The following CADPS2 variants were observed in gnomAD, a reference collection of about 807,000 sequenced individuals.
The protein encoded by CADPS2 is calcium-dependent secretion activator 2.
CADPS2 carries 93 observed loss-of-function variants against 172.5 expected under a neutral mutation model. The observed-to-expected ratio is 0.54, with a 90% confidence interval of 0.46 to 0.64. The LOEUF (loss-of-function observed/expected upper bound fraction) is 0.64, where lower values mean the gene tolerates loss of function less well. Ranked by LOEUF, CADPS2 falls within the 30% of genes least tolerant of loss-of-function variation. CADPS2 has a pLI of 0.00. For synonymous variants in CADPS2, 546 were observed against 555.2 expected (o/e 0.98, Z 0.23); for missense variants, 1,420 against 1,565.9 (o/e 0.91, Z 1.57).
intron 8 of CADPS2, among the ~76,000 whole-genome samples, chr7:122,553,399 C>G (rs777984368): frequency 6.6e-6 from 1 of 152,114 alleles, no homozygotes; most frequent in Non-Finnish European, 1.5e-5. Context: ...CATAGTTAGA[C>G]TTGACTTTAC....
intron 3 of CADPS2, among the ~76,000 whole-genome samples, chr7:122,653,349 T>C (rs997062522): frequency 1.3e-5 from 2 of 152,144 alleles, no homozygotes; most frequent in Non-Finnish European, 2.9e-5. Context: ...GTGGGGTAAA[T>C]CTCACAGACA....
intron 3 of CADPS2, among the ~76,000 whole-genome samples, chr7:122,631,447 T>C (rs1259308294): frequency 6.6e-6 from 1 of 152,120 alleles, no homozygotes; most frequent in Non-Finnish European, 1.5e-5. Context: ...CAACTACATA[T>C]TTTTTCTTTT....
At chr7:122,853,485 T>C (rs1196300303) in intron 1 of CADPS2, among the ~76,000 whole-genome samples, 1 of 152,228 alleles carries the variant, frequency 6.6e-6, no homozygotes, top group Non-Finnish European at 1.5e-5. Context: ...AGGGTGGTAA[T>C]GGCTACCTGC....
chr7:122,583,963 A>G (rs1414021697), intron 6 of CADPS2, among the ~76,000 whole-genome samples: 1 of 151,546 alleles, frequency 6.6e-6, no homozygotes, highest in Non-Finnish European at 1.5e-5. Context: ...TATTGAAATA[A>G]TCTGTAATTA....
chr7:122,645,056 T>C (rs965028163), intron 3 of CADPS2, among the ~76,000 whole-genome samples: 3 of 151,836 alleles, frequency 2.0e-5, no homozygotes, highest in Admixed American at 6.6e-5. Flanking sequence ...AATTACCCTA[T>C]GTGAACTGAA....
At chr7:122,607,703 T>C (rs999825084) in intron 6 of CADPS2, among the ~76,000 whole-genome samples, 1 of 152,194 alleles carries the variant, frequency 6.6e-6, no homozygotes, top group African/African-American at 2.4e-5. Flanking sequence ...GCTCCCTTTA[T>C]TATAAATAAA....
rs78892926 is a variant in CADPS2, at chr7:122,414,695, A to T, written c.2581-619T>A. On this transcript the variant is annotated intron_variant, in intron 18 of 29. Transcript: ENST00000449022. Reference sequence around the variant, plus strand: ...GTGTGAGCTAAAAGCAGATGTTTTGAATAATCATATTTATAACCAGATATC... The same window carrying T: ...GTGTGAGCTAAAAGCAGATGTTTTGTATAATCATATTTATAACCAGATATC... Among the ~76,000 whole-genome samples the T allele has an allele frequency of 2.8e-4, 42 of 152,332 alleles. No homozygotes were observed. In the East Asian group the frequency reaches 7.5e-3, roughly 27 times the overall value.
At chr7:122,682,473 C>A (rs1164135642) in intron 2 of CADPS2, among the ~76,000 whole-genome samples, 1 of 152,084 alleles carries the variant, frequency 6.6e-6, no homozygotes, top group African/African-American at 2.4e-5. Context: ...AAATGTTTTT[C>A]TTGTTTTGCC....
At chr7:122,698,530 T>G in intron 2 of CADPS2, 2 of 1,614,052 alleles carry the variant, frequency 1.2e-6, no homozygotes, top group South Asian at 1.1e-5. Flanking sequence ...TGGAACGTTA[T>G]AGATGATCAC....
At chr7:122,674,639 A>G (rs564137788) in intron 2 of CADPS2, among the ~76,000 whole-genome samples, 9 of 152,354 alleles carry the variant, frequency 5.9e-5, no homozygotes, top group Non-Finnish European at 1.2e-4. Flanking sequence ...TTTCCACAGA[A>G]GCCCTTATTG....
intron 2 of CADPS2, chr7:122,676,943 AC>A: frequency 2.6e-6 from 1 of 386,432 alleles, no homozygotes; most frequent in Non-Finnish European, 4.6e-6. Context: ...CCCTCAACCT[AC>A]CTTCTAGCCT....
intron 9 of CADPS2, among the ~76,000 whole-genome samples, chr7:122,504,375 G>T (rs1260652518): frequency 1.3e-5 from 2 of 150,968 alleles, no homozygotes; most frequent in African/African-American, 2.5e-5. Context: ...TTTCATGTTG[G>T]GTACAGGACA....
intron 1 of CADPS2, among the ~76,000 whole-genome samples, chr7:122,753,373 T>A (rs1218476677): frequency 6.6e-6 from 1 of 152,192 alleles, no homozygotes; most frequent in Non-Finnish European, 1.5e-5. Flanking sequence ...TAAACTTTTT[T>A]AAAGCAATAA....
intron 17 of CADPS2, among the ~76,000 whole-genome samples, chr7:122,429,330 T>A (rs1014856540): frequency 6.7e-6 from 1 of 148,348 alleles, no homozygotes; most frequent in African/African-American, 2.5e-5. Flanking sequence ...ATCCAGGTGA[T>A]CACACATACT....
At chr7:122,590,850 T>A (rs1262444654) in intron 6 of CADPS2, among the ~76,000 whole-genome samples, 1 of 151,948 alleles carries the variant, frequency 6.6e-6, no homozygotes, top group Non-Finnish European at 1.5e-5. Flanking sequence ...CAAATACTAT[T>A]TCCCTTAATT....
At chr7:122,436,707 T>G (rs2050687955) in intron 17 of CADPS2, among the ~76,000 whole-genome samples, 1 of 151,948 alleles carries the variant, frequency 6.6e-6, no homozygotes, top group African/African-American at 2.4e-5. Context: ...AAGAGAGAAG[T>G]GACTTCAGAA....
chr7:122,490,471 C>T (rs573116000), intron 10 of CADPS2, among the ~76,000 whole-genome samples, 190 bp from the exon 11 acceptor site: 15 of 152,188 alleles, frequency 9.9e-5, no homozygotes, highest in African/African-American at 3.6e-4. Context: ...AAGGGTTAAG[C>T]TCCCATATTA....
rs202008854 is a variant in CADPS2, at chr7:122,645,240, T to C, written c.787-15912A>G. Among the ~76,000 whole-genome samples the C allele has an allele frequency of 0.014, 48 of 3,448 alleles. 2 individuals carry two copies. The East Asian group carries it at 0.2, about 14-fold the overall frequency. The allele number at this position is 3,448 out of a possible 152,430, so 2.3% of individuals were successfully genotyped here. A position where few individuals can be genotyped will look rare whatever the true frequency, so the allele number is the denominator to read the frequency against. On this transcript the variant is annotated intron_variant, in intron 3 of 29. Transcript: ENST00000449022. ...TATATATATACGCTAAGTATATATATACACACATGTACATGTGTGTATACA... is the reference window on the plus strand; with the variant it reads ...TATATATATACGCTAAGTATATATACACACACATGTACATGTGTGTATACA...
At position 122,836,541 on chromosome 7, in the gene CADPS2, C is replaced by G. The variant is rs141107774; in HGVS notation, c.339+49458G>C. 2.0e-5 allele frequency among the ~76,000 whole-genome samples: 3 copies of G among 152,086 alleles called. No homozygotes were observed. In the East Asian group the frequency reaches 5.8e-4, roughly 29 times the overall value. On this transcript the variant is annotated intron_variant, in intron 1 of 29. Transcript: ENST00000449022. Reference sequence around the variant, plus strand: ...TGCTGTCTTCAGGAGACACATCTCACGTGCAGAGACACACATAGGCTCAAA... The same window carrying G: ...TGCTGTCTTCAGGAGACACATCTCAGGTGCAGAGACACACATAGGCTCAAA...
Sources: allele counts gnomAD v4.1 joint callset (sites outside exome capture counted in the v4.1 genomes callset), GRCh38; gene constraint gnomAD v4.1.1; transcripts MANE v1.5; gene names NCBI Gene and HGNC (gene_info 2026-07-23, HGNC 2026-07-21).